SLC9D1: variants seen among roughly 807,000 people sequenced by gnomAD.
The protein encoded by SLC9D1 is solute carrier family 9 member D1.
chr13:113,506,261 T>G, the SLC9D1 span, among the ~76,000 whole-genome samples: 12 of 20,234 alleles, frequency 5.9e-4, no homozygotes, highest in Non-Finnish European at 8.3e-4. Flanking sequence ...CTGTTATGGG[T>G]GGGGAGGGTA....
At chr13:113,503,845 T>C in the SLC9D1 span, 1 of 447,720 alleles carries the variant, frequency 2.2e-6, no homozygotes, top group Admixed American at 4.0e-5. Flanking sequence ...AAGTAATGTG[T>C]GTGAACTTTA....
At chr13:113,507,995 A>C in the SLC9D1 span, among the ~76,000 whole-genome samples, 1 of 152,156 alleles carries the variant, frequency 6.6e-6, no homozygotes, top group African/African-American at 2.4e-5. Flanking sequence ...ACCTGGGCGC[A>C]CCTGCAGATG....
the SLC9D1 span, chr13:113,548,497 T>A: frequency 6.4e-7 from 1 of 1,571,296 alleles, no homozygotes; most frequent in South Asian, 1.2e-5. Context: ...CGGCACGGGC[T>A]GCACTCTGGG....
At chr13:113,534,198 C>T in the SLC9D1 span, 1 of 1,610,298 alleles carries the variant, frequency 6.2e-7, no homozygotes. Context: ...ACAAAGAAAT[C>T]CTGATCTTGG....
At chr13:113,539,271 C>A in the SLC9D1 span, 1 of 1,306,182 alleles carries the variant, frequency 7.7e-7, no homozygotes, top group Non-Finnish European at 1.1e-6. This position sits in a 1 kb window ranked among gnomAD's most constrained non-coding sequence, Gnocchi z 4.8. Context: ...CGTGGTGGCT[C>A]TGCTGGGTCT....
At chr13:113,543,674 C>T in the SLC9D1 span, among the ~76,000 whole-genome samples, 1 of 149,930 alleles carries the variant, frequency 6.7e-6, no homozygotes, top group Non-Finnish European at 1.5e-5. Context: ...ATTGCTCCAG[C>T]CCCAGGCTGC....
chr13:113,510,442 C>T, the SLC9D1 span: 3 of 1,604,226 alleles, frequency 1.9e-6, no homozygotes, highest in East Asian at 2.2e-5. Flanking sequence ...ACGGCATGTT[C>T]TGAGTGCGTG....
At chr13:113,501,692 C>T in the SLC9D1 span, 1 of 1,411,764 alleles carries the variant, frequency 7.1e-7, no homozygotes, top group Non-Finnish European at 9.8e-7. Flanking sequence ...CTCAGCCAGC[C>T]AGCCCCCTTC....
chr13:113,523,657 C>G, the SLC9D1 span, among the ~76,000 whole-genome samples: 1 of 152,108 alleles, frequency 6.6e-6, no homozygotes. Flanking sequence ...CACCTTCCTT[C>G]TTGCTTTGGG....
At chr13:113,517,096 G>A in the SLC9D1 span, among the ~76,000 whole-genome samples, 3 of 152,214 alleles carry the variant, frequency 2.0e-5, no homozygotes, top group Non-Finnish European at 4.4e-5. Context: ...TCCAGGAAGA[G>A]CGCCCTTGTC....
chr13:113,504,424 G>T, the SLC9D1 span: 1 of 152,284 alleles, frequency 6.6e-6, no homozygotes, highest in South Asian at 2.1e-4. Flanking sequence ...GTGAGATTTT[G>T]GTGCACCTGT....
chr13:113,542,993 C>G, the SLC9D1 span, among the ~76,000 whole-genome samples: 57 of 151,648 alleles, frequency 3.8e-4, no homozygotes, highest in East Asian at 7.8e-3. Context: ...GGGAGAGCCT[C>G]TCGGCTGCCA....
At chr13:113,529,446 C>G in the SLC9D1 span, 22,866 of 151,996 alleles carry the variant, frequency 0.15, 2,064 homozygotes, top group Admixed American at 0.27. Flanking sequence ...GTCAGGAGAT[C>G]GAGACCATCC....
At chr13:113,549,421 G>T in the SLC9D1 span, 1 of 1,613,504 alleles carries the variant, frequency 6.2e-7, no homozygotes, top group African/African-American at 1.3e-5. Flanking sequence ...CTTTGCTGTT[G>T]CAGGTGTACC....
the SLC9D1 span, among the ~76,000 whole-genome samples, chr13:113,512,368 T>C: frequency 1.4e-5 from 2 of 147,614 alleles, no homozygotes; most frequent in African/African-American, 5.1e-5. Flanking sequence ...TCAGTATATA[T>C]GGACTCAGAG....
At chr13:113,518,338 C>T in the SLC9D1 span, among the ~76,000 whole-genome samples, 1 of 151,572 alleles carries the variant, frequency 6.6e-6, no homozygotes, top group South Asian at 2.1e-4. Context: ...GCATCAGGGA[C>T]CTTGGTGAAG....
At chr13:113,508,932 C>T in the SLC9D1 span, among the ~76,000 whole-genome samples, 2 of 141,878 alleles carry the variant, frequency 1.4e-5, no homozygotes, top group Admixed American at 7.1e-5. Context: ...GTGGGTGGGT[C>T]CCCCCGGAGC....
At chr13:113,498,429 T>C in the SLC9D1 span, 39 of 1,586,498 alleles carry the variant, frequency 2.5e-5, no homozygotes, top group Non-Finnish European at 3.3e-5. Flanking sequence ...CCAAAGTTTA[T>C]CCATGCTTGA....
the SLC9D1 span, chr13:113,503,345 T>TTGTGTGTGTGTGTG: frequency 8.4e-6 from 4 of 476,192 alleles, no homozygotes; most frequent in Admixed American, 7.5e-5. Context: ...CACTGTGTGA[T>TTGTGTGTGTGTGTG]TGTGTGTGTG....
Sources: gnomAD v4.1 joint callset for allele counts (sites outside exome capture counted in the v4.1 genomes callset) on GRCh38, gnomAD v4.1.1 for gene constraint, Gnocchi (gnomAD v3.1) non-coding constraint, MANE v1.5 for transcripts, NCBI Gene and HGNC (gene_info 2026-07-23, HGNC 2026-07-21) for gene names.